The following ITGA9 variants were observed in gnomAD, a reference collection of about 807,000 sequenced individuals.
ITGA9 encodes integrin subunit alpha 9.
ITGA9 carries 56 observed loss-of-function variants against 127.8 expected under a neutral mutation model. The observed-to-expected ratio is 0.44, with a 90% confidence interval of 0.35 to 0.55. The LOEUF is 0.55. Among genes scored for constraint, ITGA9 ranks in the 20% least tolerant of loss-of-function variants. The probability of loss-of-function intolerance (pLI) is 0.00; values close to 1 mark genes in which losing one functional copy is unlikely to be tolerated. For synonymous variants in ITGA9, 508 were observed against 514.5 expected (o/e 0.99, Z 0.17); for missense variants, 1,196 against 1,347.1 (o/e 0.89, Z 1.76).
chr3:37,548,179 AC>A (rs1699345896), intron 15 of ITGA9, among the ~76,000 whole-genome samples: 1 of 152,222 alleles, frequency 6.6e-6, no homozygotes, highest in South Asian at 2.1e-4. Flanking sequence ...AAAGCATTAA[AC>A]TGAGTAAATG....
At chr3:37,463,227 T>C (rs373928828) in intron 1 of ITGA9, among the ~76,000 whole-genome samples, 17 of 152,358 alleles carry the variant, frequency 1.1e-4, no homozygotes, top group Admixed American at 2.0e-4. Context: ...CTTAGCTTGA[T>C]GACGTATCTG....
chr3:37,474,543 G>T (rs35590538), intron 3 of ITGA9, among the ~76,000 whole-genome samples: 12,595 of 152,050 alleles, frequency 0.083, 618 homozygotes, highest in East Asian at 0.23. Context: ...AGCCCGATGG[G>T]TTTTCACGCA....
chr3:37,533,067 G>A (rs1281628455), intron 13 of ITGA9, among the ~76,000 whole-genome samples: 2 of 152,124 alleles, frequency 1.3e-5, no homozygotes, highest in African/African-American at 2.4e-5. Flanking sequence ...AACCAGATGC[G>A]TTTTATTAAC....
intron 18 of ITGA9, among the ~76,000 whole-genome samples, chr3:37,718,161 G>A (rs1701153952): frequency 1.3e-5 from 2 of 152,228 alleles, no homozygotes; most frequent in African/African-American, 4.8e-5. Context: ...TATTAAATGA[G>A]AGCATGAACA....
intron 15 of ITGA9, among the ~76,000 whole-genome samples, chr3:37,608,727 T>A (rs1373642818): frequency 6.6e-6 from 1 of 152,224 alleles, no homozygotes; most frequent in Non-Finnish European, 1.5e-5. Context: ...TGTTTTATAT[T>A]GTAAGCAGGA....
In ITGA9 at chr3:37,470,138, T is replaced by TTC. The variant is rs1260308351; in HGVS notation, c.186-868_186-867insCT. 1.7e-4 allele frequency among the ~76,000 whole-genome samples: 13 copies of TTC among 74,314 alleles called. 1 individual carries two copies. Among genetic ancestry groups the TTC allele is most frequent in the African/African-American group, 6.2e-4 (10 of 16,106 alleles). 48.8% of individuals were successfully genotyped at this position (74,314 alleles called of 152,430 possible). On this transcript the variant is annotated intron_variant, in intron 1 of 27. Coordinates refer to ENST00000264741, the MANE Select transcript of ITGA9 (RefSeq NM_002207.3). ...CACTGATGGGCCTTTAGGTTTCTTC[T>TTC]TGTTTTTTTTTTTTTTTTTGATATT... is the stretch of plus-strand genomic sequence containing the variant.
intron 18 of ITGA9, among the ~76,000 whole-genome samples, chr3:37,693,402 T>C (rs1700852127): frequency 1.3e-5 from 2 of 152,228 alleles, no homozygotes; most frequent in South Asian, 4.2e-4. Context: ...TTTCAAGGCT[T>C]TCAGTGGCTA....
chr3:37,517,649 C>A, intron 10 of ITGA9, 40 bp downstream of exon 10: 1 of 1,394,318 alleles, frequency 7.2e-7, no homozygotes, highest in Non-Finnish European at 1.0e-6. Context: ...CCTCCAGGTG[C>A]AGCACGCTGC....
intron 18 of ITGA9, among the ~76,000 whole-genome samples, chr3:37,686,150 C>T (rs1390594535): frequency 1.3e-5 from 2 of 150,220 alleles, no homozygotes; most frequent in Admixed American, 6.6e-5. Context: ...CTACTATACA[C>T]CAGGGACTTT....
chr3:37,573,714 G>A (rs972785692), intron 15 of ITGA9, among the ~76,000 whole-genome samples: 57 of 152,270 alleles, frequency 3.7e-4, no homozygotes, highest in African/African-American at 1.3e-3. Flanking sequence ...TAGCTTCAAG[G>A]AAGGAAATAT....
At chr3:37,617,515 G>T (rs1194878206) in intron 15 of ITGA9, among the ~76,000 whole-genome samples, 2 of 152,164 alleles carry the variant, frequency 1.3e-5, no homozygotes, top group Admixed American at 1.3e-4. Context: ...GGCCTGCCTT[G>T]CTAGACTGGG....
At chr3:37,535,262 C>T (rs959363360) in intron 14 of ITGA9, among the ~76,000 whole-genome samples, 2 of 152,218 alleles carry the variant, frequency 1.3e-5, no homozygotes, top group African/African-American at 2.4e-5. Context: ...GTTCACTTAT[C>T]GCTGTTGTGA....
chr3:37,719,675 A>G (rs1701170530), intron 18 of ITGA9, among the ~76,000 whole-genome samples: 1 of 152,118 alleles, frequency 6.6e-6, no homozygotes, highest in Admixed American at 6.5e-5. Context: ...GAAGTGCAGG[A>G]TAGTTAACGT....
intron 7 of ITGA9, among the ~76,000 whole-genome samples, chr3:37,507,188 G>A (rs1464557523): frequency 2.0e-5 from 3 of 152,136 alleles, no homozygotes; most frequent in African/African-American, 7.2e-5. Flanking sequence ...GAGGGATCAA[G>A]CAGGTGACCT....
chr3:37,525,964 C>T (rs770708746), intron 12 of ITGA9, 62 bp from the exon 13 acceptor site: 1 of 1,432,132 alleles, frequency 7.0e-7, no homozygotes, highest in African/African-American at 1.4e-5. Flanking sequence ...AGCGCATTCC[C>T]AGGGCGCGGT....
intron 15 of ITGA9, among the ~76,000 whole-genome samples, chr3:37,625,082 C>T (rs1212281467): frequency 2.0e-5 from 3 of 152,264 alleles, no homozygotes; most frequent in South Asian, 2.1e-4. Context: ...AGATGCAGTC[C>T]GCTGGACAGC....
chr3:37,481,692 A>T (rs1698557456), intron 4 of ITGA9, 85 bp downstream of exon 4: 1 of 1,534,552 alleles, frequency 6.5e-7, no homozygotes, highest in Non-Finnish European at 9.0e-7. Flanking sequence ...CACCAGCTGA[A>T]CATTTCCCCA....
intron 23 of ITGA9, among the ~76,000 whole-genome samples, chr3:37,771,653 C>G (rs115321759): frequency 0.016 from 2,390 of 152,292 alleles, 63 homozygotes; most frequent in African/African-American, 0.053. Context: ...TATCTGTCAG[C>G]TGAGGCCACA....
At chr3:37,565,043 T>C (rs530890149) in intron 15 of ITGA9, among the ~76,000 whole-genome samples, 1 of 152,276 alleles carries the variant, frequency 6.6e-6, no homozygotes, top group East Asian at 1.9e-4. Flanking sequence ...TGAGGGAGGA[T>C]CCAACTGGAG....
Sources: gnomAD v4.1 joint callset for allele counts (sites outside exome capture counted in the v4.1 genomes callset) on GRCh38, gnomAD v4.1.1 for gene constraint, MANE v1.5 for transcripts, NCBI Gene and HGNC (gene_info 2026-07-23, HGNC 2026-07-21) for gene names.